Variants in SOCS6 observed in about 807,000 individuals in gnomAD.
SOCS6 encodes suppressor of cytokine signaling 6.
Under a neutral mutation model 27.7 loss-of-function variants are expected in SOCS6, and 5 were observed. The ratio of observed to expected loss-of-function variants is 0.18; its 90% confidence interval spans 0.09 to 0.38. The LOEUF is 0.38. Ranked by LOEUF, SOCS6 falls within the 10% of genes least tolerant of loss-of-function variation. The pLI is 1.00. For missense variants in SOCS6, 595 were observed against 688.1 expected, an observed-to-expected ratio of 0.86 and a Z score of 1.51; for synonymous variants, 271 against 260.0, an observed-to-expected ratio of 1.04 and a Z score of -0.41.
At chr18:70,318,475 C>G (rs1275296867) in intron 1 of SOCS6, among the ~76,000 whole-genome samples, 1 of 152,066 alleles carries the variant, frequency 6.6e-6, no homozygotes, top group Non-Finnish European at 1.5e-5. Flanking sequence ...GTACAACTAG[C>G]TGGTAGCATA....
At chr18:70,299,806 T>C (rs1206445928) in intron 1 of SOCS6, among the ~76,000 whole-genome samples, 1 of 152,234 alleles carries the variant, frequency 6.6e-6, no homozygotes, top group Non-Finnish European at 1.5e-5. Flanking sequence ...TTGAATTGGT[T>C]AAGTGCAAAT....
At chr18:70,310,458 T>C (rs1289649349) in intron 1 of SOCS6, among the ~76,000 whole-genome samples, 1 of 150,048 alleles carries the variant, frequency 6.7e-6, no homozygotes, top group Non-Finnish European at 1.5e-5. Context: ...ATTTTCTAAT[T>C]TTTTGTGGGG....
intron 1 of SOCS6, among the ~76,000 whole-genome samples, chr18:70,301,118 A>G (rs1263951950): frequency 1.3e-5 from 2 of 152,222 alleles, no homozygotes; most frequent in Admixed American, 1.3e-4. Flanking sequence ...CTCACCAGTT[A>G]GCCAGCTACC....
intron 1 of SOCS6, among the ~76,000 whole-genome samples, chr18:70,299,261 C>T (rs1469430335): frequency 6.6e-6 from 1 of 152,232 alleles, no homozygotes; most frequent in Non-Finnish European, 1.5e-5. Flanking sequence ...TCCCAGGCCT[C>T]TCATACTTCT....
chr18:70,289,596 G>A (rs1298095123), intron 1 of SOCS6, among the ~76,000 whole-genome samples: 1 of 147,340 alleles, frequency 6.8e-6, no homozygotes, highest in South Asian at 2.1e-4. Flanking sequence ...CCGCGGGCTC[G>A]GGCTCGGGCT....
chr18:70,291,474 G>A (rs992466321), intron 1 of SOCS6, among the ~76,000 whole-genome samples: 1 of 152,132 alleles, frequency 6.6e-6, no homozygotes, highest in African/African-American at 2.4e-5. Context: ...CTCCATTATG[G>A]CCAGTTTTCA....
rs1371320332 is a variant in SOCS6, at chr18:70,329,903, C to A, written c.*3627C>A. On this transcript the variant is annotated 3_prime_UTR_variant, in exon 2 of 2. Coordinates refer to ENST00000397942, the MANE Select transcript of SOCS6 (RefSeq NM_004232.4). ...GAAAAATTCTTATAGAATTTTGTAACAAGTATTTACATGTTGGGTGAAAGA... is the reference window on the plus strand; with the variant it reads ...GAAAAATTCTTATAGAATTTTGTAAAAAGTATTTACATGTTGGGTGAAAGA... 2 of 166,978 alleles carry A rather than the reference C, an allele frequency of 1.2e-5. No homozygotes were observed. Among genetic ancestry groups the A allele is most frequent in the African/African-American group, 2.4e-5 (1 of 41,408 alleles). The allele number at this position is 166,978 out of a possible 1,614,324, so 10.3% of individuals were successfully genotyped here.
chr18:70,314,841 T>A (rs946074070), intron 1 of SOCS6, among the ~76,000 whole-genome samples: 1 of 146,512 alleles, frequency 6.8e-6, no homozygotes, highest in Non-Finnish European at 1.5e-5. Flanking sequence ...TCAGCATTTC[T>A]TCATTACAGC....
At chr18:70,300,131 A>T (rs932582552) in intron 1 of SOCS6, among the ~76,000 whole-genome samples, 3 of 147,582 alleles carry the variant, frequency 2.0e-5, no homozygotes, top group African/African-American at 7.4e-5. Context: ...TCAATTCTTT[A>T]TTTTTTTTTT....
At position 70,310,497 on chromosome 18, in the gene SOCS6, A is replaced by G. The variant is rs199826648; in HGVS notation, c.-126-14046A>G. Reference sequence around the variant, plus strand: ...TTTTTTTTTTTTTTTTTGCAGAGACAGGATCTTCCTGTGTTGCCCAGGCTG... The same window carrying G: ...TTTTTTTTTTTTTTTTTGCAGAGACGGGATCTTCCTGTGTTGCCCAGGCTG... On this transcript the variant is annotated intron_variant, in intron 1 of 1. Transcript: ENST00000397942. Among the ~76,000 whole-genome samples, 83 of 138,468 alleles carry G rather than the reference A, an allele frequency of 6.0e-4. No individual in the cohort carries two copies. The East Asian group carries it at 0.017, about 28-fold the overall frequency. The allele number at this position is 138,468 out of a possible 152,430, so 90.8% of individuals were successfully genotyped here.
chr18:70,311,500 T>C (rs28735602), intron 1 of SOCS6, among the ~76,000 whole-genome samples: 2,609 of 152,266 alleles, frequency 0.017, 78 homozygotes, highest in African/African-American at 0.059. Flanking sequence ...GTGCCTTATT[T>C]TACCTTAAAT....
chr18:70,307,839 A>G (rs1219847183), intron 1 of SOCS6, among the ~76,000 whole-genome samples: 3 of 151,458 alleles, frequency 2.0e-5, no homozygotes, highest in African/African-American at 7.3e-5. Flanking sequence ...TCTGTTTTCT[A>G]TTTTATTAAT....
intron 1 of SOCS6, among the ~76,000 whole-genome samples, chr18:70,296,381 C>T (rs1174522750): frequency 6.6e-6 from 1 of 152,158 alleles, no homozygotes; most frequent in African/African-American, 2.4e-5. Flanking sequence ...CTGCTGTGGA[C>T]GCCGCCTCCC....
At chr18:70,300,671 T>C (rs762705642) in intron 1 of SOCS6, among the ~76,000 whole-genome samples, 2 of 152,200 alleles carry the variant, frequency 1.3e-5, no homozygotes, top group Non-Finnish European at 2.9e-5. Flanking sequence ...GAGATTATCA[T>C]GTATTTTATA....
intron 1 of SOCS6, among the ~76,000 whole-genome samples, chr18:70,322,728 C>T (rs1911035894): frequency 6.6e-6 from 1 of 152,196 alleles, no homozygotes; most frequent in Non-Finnish European, 1.5e-5. Context: ...TATTCAGAAA[C>T]ATAGTACATG....
At chr18:70,289,587 C>T (rs1311627746) in intron 1 of SOCS6, among the ~76,000 whole-genome samples, 4 of 145,656 alleles carry the variant, frequency 2.7e-5, no homozygotes, top group Non-Finnish European at 6.1e-5. Context: ...CTCGGACCTC[C>T]GCGGGCTCGG....
chr18:70,302,864 A>G (rs1468883596), intron 1 of SOCS6, among the ~76,000 whole-genome samples: 1 of 152,216 alleles, frequency 6.6e-6, no homozygotes, highest in African/African-American at 2.4e-5. Flanking sequence ...AAAGAATAAT[A>G]GTAAAAACAA....
intron 1 of SOCS6, among the ~76,000 whole-genome samples, chr18:70,299,568 C>T (rs538869985): frequency 6.6e-6 from 1 of 152,204 alleles, no homozygotes; most frequent in African/African-American, 2.4e-5. Context: ...GACGGGGGGT[C>T]GGTGCTGAAA....
chr18:70,313,022 C>T (rs533891665), intron 1 of SOCS6, among the ~76,000 whole-genome samples: 1 of 152,142 alleles, frequency 6.6e-6, no homozygotes, highest in African/African-American at 2.4e-5. Flanking sequence ...CCTCGTGATC[C>T]ACCTGCTTCA....
Sources: gnomAD v4.1 joint callset for allele counts (sites outside exome capture counted in the v4.1 genomes callset) on GRCh38, gnomAD v4.1.1 for gene constraint, MANE v1.5 for transcripts, NCBI Gene and HGNC (gene_info 2026-07-23, HGNC 2026-07-21) for gene names.